The following NFIB variants were observed in gnomAD, a reference collection of about 807,000 sequenced individuals.
The protein encoded by NFIB is nuclear factor I B.
A neutral mutation model predicts 61.5 loss-of-function variants in NFIB; 11 were observed. The ratio of observed to expected loss-of-function variants is 0.18; its 90% CI spans 0.11 to 0.30. NFIB has a LOEUF of 0.30. NFIB is among the 10% of genes least tolerant of loss of function. NFIB has a pLI of 1.00. For missense variants in NFIB, 471 were observed against 608.9 expected, an observed-to-expected ratio of 0.77 and a Z score of 2.38; for synonymous variants, 260 against 216.5, an observed-to-expected ratio of 1.20 and a Z score of -1.76.
intron 3 of NFIB, among the ~76,000 whole-genome samples, chr9:14,157,224 G>T (rs911977126): frequency 3.3e-5 from 5 of 152,080 alleles, no homozygotes; most frequent in Non-Finnish European, 5.9e-5. Context: ...ACCGAATTAC[G>T]CACACTGGCC....
intron 2 of NFIB, among the ~76,000 whole-genome samples, chr9:14,234,529 C>G (rs1410117863): frequency 6.6e-6 from 1 of 151,916 alleles, no homozygotes; most frequent in Admixed American, 6.6e-5. Flanking sequence ...ACCACCACGC[C>G]CAGCTAATTT....
the NFIB span, among the ~76,000 whole-genome samples, chr9:14,494,472 A>G: frequency 6.6e-6 from 1 of 152,260 alleles, no homozygotes; most frequent in South Asian, 2.1e-4. Context: ...ATGCTGCTGT[A>G]TTGGGAGGTC....
rs562598646 is a variant in NFIB, at chr9:14,252,552, G to A, written c.562+54437C>T. Among the ~76,000 whole-genome samples, 7 of 152,112 alleles carry A rather than the reference G, an allele frequency of 4.6e-5. No homozygotes were observed. In the South Asian group the frequency reaches 1.5e-3, roughly 32 times the overall value. On this transcript the variant is annotated intron_variant, in intron 2 of 10. Coordinates refer to ENST00000380953, the MANE Select transcript of NFIB (RefSeq NM_001190737.2). ...GTATTTGTTAAAAAAAACAGAAACT[G>A]CTTCAGTTATAATATGTAAAAGAAA...
the NFIB span, among the ~76,000 whole-genome samples, chr9:14,439,129 G>C: frequency 6.6e-6 from 1 of 152,168 alleles, no homozygotes; most frequent in East Asian, 1.9e-4. Context: ...CCAGCACTTT[G>C]GGAGGCCGAG....
chr9:14,288,889 T>C (rs1056267471), intron 2 of NFIB, among the ~76,000 whole-genome samples: 8 of 151,986 alleles, frequency 5.3e-5, no homozygotes, highest in African/African-American at 1.7e-4. Context: ...TTTCTCATTT[T>C]TTCACCTTTA....
chr9:14,157,985 C>T (rs1291878219), intron 3 of NFIB, among the ~76,000 whole-genome samples: 2 of 151,698 alleles, frequency 1.3e-5, no homozygotes, highest in East Asian at 3.9e-4. Context: ...GTGGCGGGCA[C>T]CTGTAGTCTC....
chr9:14,329,217 G>A (rs2060791773), intron 1 of NFIB, among the ~76,000 whole-genome samples: 1 of 152,162 alleles, frequency 6.6e-6, no homozygotes, highest in African/African-American at 2.4e-5. Flanking sequence ...TGGCTGCTAA[G>A]CTAGTTAGTT....
chr9:14,150,645 T>TAC (rs1306345095), intron 4 of NFIB, among the ~76,000 whole-genome samples: 1 of 152,036 alleles, frequency 6.6e-6, no homozygotes, highest in African/African-American at 2.4e-5. Flanking sequence ...TGCTTTGCAC[T>TAC]ACCTAGGCTC....
chr9:14,473,762 T>C, the NFIB span, among the ~76,000 whole-genome samples: 1 of 152,262 alleles, frequency 6.6e-6, no homozygotes, highest in Admixed American at 6.5e-5. Flanking sequence ...CTTTAATTGA[T>C]TTTTAATTTA....
In NFIB at chr9:14,382,392, C is replaced by G. The variant is rs1052884691; in HGVS notation, c.108+16132G>C. Among the ~76,000 whole-genome samples the G allele has an allele frequency of 2.0e-5, 3 of 151,544 alleles. No individual in the cohort carries two copies. In the East Asian group the frequency reaches 5.8e-4, roughly 29 times the overall value. ...AGAGAGAGGGAGATAGGAGTCTGTC[C>G]ATTTGTGGTTCTTATTTATTTGGAA... On this transcript the variant is annotated intron_variant, in intron 1 of 8. Coordinates refer to the NFIB transcript ENST00000380934.
chr9:14,245,384 T>TG (rs767428078), intron 2 of NFIB, among the ~76,000 whole-genome samples: 1 of 152,078 alleles, frequency 6.6e-6, no homozygotes, highest in Non-Finnish European at 1.5e-5. Context: ...AGCTTGGTTA[T>TG]GTTCAACAAA....
chr9:14,229,331 G>C (rs1427446885), intron 2 of NFIB, among the ~76,000 whole-genome samples: 1 of 152,146 alleles, frequency 6.6e-6, no homozygotes, highest in Non-Finnish European at 1.5e-5. Flanking sequence ...AGTACCAACA[G>C]GAATTCTGAG....
intron 1 of NFIB, among the ~76,000 whole-genome samples, chr9:14,329,741 C>G (rs1170136725): frequency 6.6e-6 from 1 of 151,464 alleles, no homozygotes; most frequent in African/African-American, 2.4e-5. Flanking sequence ...TCTCCAACTC[C>G]TGACCTCATG....
the NFIB span, among the ~76,000 whole-genome samples, chr9:14,460,130 A>C: frequency 2.0e-4 from 30 of 152,342 alleles, no homozygotes; most frequent in Middle Eastern, 3.4e-3. Flanking sequence ...AATGTCCAGC[A>C]ACGATAGACT....
At chr9:14,341,481 A>G (rs2060949581) in intron 1 of NFIB, among the ~76,000 whole-genome samples, 1 of 152,314 alleles carries the variant, frequency 6.6e-6, no homozygotes, top group East Asian at 1.9e-4. Context: ...ACAGGTAGGT[A>G]GTAAGACAAG....
chr9:14,410,263 G>A, the NFIB span, among the ~76,000 whole-genome samples: 1 of 150,450 alleles, frequency 6.6e-6, no homozygotes, highest in African/African-American at 2.4e-5. Context: ...TCTGGATATT[G>A]TTATATGTTT....
chr9:14,084,014 C>T lies in NFIB; in HGVS notation c.*4295G>A, dbSNP rs2032447689. ...GAAATGCTCTGGAAACCAACTTTTCCAATACTAAATACAACAAAATAACCT... is the reference window on the plus strand; with the variant it reads ...GAAATGCTCTGGAAACCAACTTTTCTAATACTAAATACAACAAAATAACCT... On this transcript the variant is annotated 3_prime_UTR_variant, in exon 11 of 11. Transcript: ENST00000380953. 4.6e-6 allele frequency: 1 copy of T among 216,080 alleles called. No individual in the cohort carries two copies. Among genetic ancestry groups the T allele is most frequent in the Admixed American group, 5.8e-5 (1 of 17,110 alleles). 13.4% of individuals were successfully genotyped at this position (216,080 alleles called of 1,614,324 possible).
intron 2 of NFIB, among the ~76,000 whole-genome samples, chr9:14,306,439 G>A (rs1203592486): frequency 2.0e-5 from 3 of 152,224 alleles, no homozygotes; most frequent in South Asian, 2.1e-4. Context: ...CTAGGTCTAC[G>A]TAAGATATAC....
chr9:14,162,479 A>G (rs2044313809), intron 3 of NFIB, among the ~76,000 whole-genome samples: 1 of 152,002 alleles, frequency 6.6e-6, no homozygotes, highest in South Asian at 2.1e-4. Flanking sequence ...TTACTGTTGA[A>G]CTGGTTGGCT....
Sources: allele counts gnomAD v4.1 joint callset (sites outside exome capture counted in the v4.1 genomes callset), GRCh38; gene constraint gnomAD v4.1.1; transcripts MANE v1.5; gene names NCBI Gene and HGNC (gene_info 2026-07-23, HGNC 2026-07-21).